ANGPT1: variants seen among roughly 807,000 people sequenced by gnomAD.
ANGPT1 encodes angiopoietin 1, also known as angiopoietin-1.
In ANGPT1, 17 loss-of-function variants were observed where a neutral mutation model predicts 62.2. The observed-to-expected ratio is 0.27, with a 90% CI of 0.19 to 0.41. ANGPT1 has a LOEUF of 0.41. Ranked by LOEUF, ANGPT1 falls within the 10% of genes least tolerant of loss-of-function variation. The pLI, the probability that ANGPT1 is intolerant of heterozygous loss-of-function variation, is 1.00. For synonymous variants in ANGPT1, 199 were observed against 198.9 expected, an observed-to-expected ratio of 1.00 and a Z score of 0.00; for missense variants, 478 against 594.9, an observed-to-expected ratio of 0.80 and a Z score of 2.04.
chr8:107,474,344 C>T (rs200230565), intron 1 of ANGPT1, among the ~76,000 whole-genome samples: 2 of 152,008 alleles, frequency 1.3e-5, no homozygotes, highest in African/African-American at 2.4e-5. Flanking sequence ...CACATGATTA[C>T]CTCAATAGAT....
chr8:107,341,565 A>AT (rs1815696573), intron 2 of ANGPT1, among the ~76,000 whole-genome samples: 1 of 148,484 alleles, frequency 6.7e-6, no homozygotes, highest in African/African-American at 2.4e-5. Flanking sequence ...TTATATAACT[A>AT]TTACATAATA....
intron 8 of ANGPT1, among the ~76,000 whole-genome samples, chr8:107,260,672 C>T (rs1025914297): frequency 1.5e-4 from 23 of 152,154 alleles, no homozygotes; most frequent in African/African-American, 5.6e-4. Context: ...CACATTTTAG[C>T]TTTCCATAAT....
intron 7 of ANGPT1, among the ~76,000 whole-genome samples, chr8:107,272,918 G>A (rs1586176683): frequency 6.8e-6 from 1 of 147,134 alleles, no homozygotes; most frequent in South Asian, 2.1e-4. Flanking sequence ...GTGCCAAAAT[G>A]AATCACGTGA....
chr8:107,339,989 A>G (rs549159636), intron 2 of ANGPT1, among the ~76,000 whole-genome samples: 18 of 152,128 alleles, frequency 1.2e-4, no homozygotes, highest in Non-Finnish European at 2.1e-4. Flanking sequence ...TTCTTTCCCC[A>G]TCACCTTGAC....
intron 1 of ANGPT1, among the ~76,000 whole-genome samples, chr8:107,385,042 A>G (rs1013564197): frequency 5.9e-5 from 9 of 151,996 alleles, no homozygotes; most frequent in African/African-American, 2.2e-4. Context: ...TTTGAAGTCC[A>G]GTAGTGTGAA....
chr8:107,392,798 T>C lies in ANGPT1; in HGVS notation c.298-45701A>G, dbSNP rs558579898. Among the ~76,000 whole-genome samples, 35 of 152,312 alleles carry C rather than the reference T, an allele frequency of 2.3e-4. No homozygotes were observed. The South Asian group carries it at 7.0e-3, about 31-fold the overall frequency. On this transcript the variant is annotated intron_variant, in intron 1 of 8. Transcript: ENST00000517746. Reference sequence around the variant, plus strand: ...CATATGTGGTATAATGTAATTTTATTCATTCCAGAAGAAGAGTTGTTTTTG... The same window carrying C: ...CATATGTGGTATAATGTAATTTTATCCATTCCAGAAGAAGAGTTGTTTTTG...
intron 1 of ANGPT1, among the ~76,000 whole-genome samples, chr8:107,391,840 T>C (rs1165462780): frequency 4.6e-5 from 7 of 152,176 alleles, no homozygotes; most frequent in Admixed American, 3.9e-4. Flanking sequence ...AATTGTAACA[T>C]AGTGGTGTGA....
chr8:107,436,569 C>A (rs947885111), intron 1 of ANGPT1, among the ~76,000 whole-genome samples: 6 of 152,166 alleles, frequency 3.9e-5, no homozygotes, highest in Non-Finnish European at 8.8e-5. Context: ...CAACCTTCTG[C>A]GGATCTATTT....
intron 1 of ANGPT1, among the ~76,000 whole-genome samples, chr8:107,374,317 A>T (rs1816482842): frequency 6.6e-6 from 1 of 152,222 alleles, no homozygotes; most frequent in African/African-American, 2.4e-5. Context: ...TTATTATAAG[A>T]TTAGAAAGTA....
intron 3 of ANGPT1, among the ~76,000 whole-genome samples, chr8:107,334,909 T>C (rs532016023): frequency 1.3e-5 from 2 of 152,316 alleles, no homozygotes; most frequent in Non-Finnish European, 2.9e-5. Flanking sequence ...GCTAACCCCA[T>C]GTCACAGTAC....
At position 107,290,410 on chromosome 8, in the gene ANGPT1, C is replaced by T. The variant is rs929868667; in HGVS notation, c.1038+3526G>A. 5.9e-5 allele frequency among the ~76,000 whole-genome samples: 9 copies of T among 152,172 alleles called. No individual in the cohort carries two copies. The South Asian group carries it at 6.2e-4, about 11-fold the overall frequency. On this transcript the variant is annotated intron_variant, in intron 6 of 8. Coordinates refer to ENST00000517746, the MANE Select transcript of ANGPT1 (RefSeq NM_001146.5). ...GGGGCATGCCAAGTTCTTGTTATCC[C>T]GAAGGATGTACACCCTTAGCTGAAG...
intron 3 of ANGPT1, among the ~76,000 whole-genome samples, chr8:107,332,469 T>C (rs1017096403): frequency 1.3e-5 from 2 of 152,220 alleles, no homozygotes; most frequent in African/African-American, 4.8e-5. Flanking sequence ...ACGTTGCTAA[T>C]CCTGTTTCTG....
chr8:107,386,295 C>T (rs1816730410), intron 1 of ANGPT1, among the ~76,000 whole-genome samples: 1 of 152,032 alleles, frequency 6.6e-6, no homozygotes, highest in Admixed American at 6.6e-5. Context: ...AGGTATTATG[C>T]TAGTTAGCTG....
intron 1 of ANGPT1, among the ~76,000 whole-genome samples, chr8:107,355,759 T>C (rs1816031504): frequency 6.6e-6 from 1 of 152,172 alleles, no homozygotes; most frequent in African/African-American, 2.4e-5. Flanking sequence ...CTTCTCTCTG[T>C]AATACCCTTC....
chr8:107,299,384 A>C (rs1385119722), intron 5 of ANGPT1, among the ~76,000 whole-genome samples: 3 of 79,412 alleles, frequency 3.8e-5, no homozygotes, highest in Non-Finnish European at 7.4e-5. Flanking sequence ...AGAGTAAATG[A>C]AGGAGTGTAT....
At position 107,426,624 on chromosome 8, in the gene ANGPT1, C is replaced by T. The variant is rs187035950; in HGVS notation, c.297+70638G>A. ...ATTCACTTTCCTGGACTTTGATCTT[C>T]TAGGAGGGAGGATACTTCAAAGCCC... On this transcript the variant is annotated intron_variant, in intron 1 of 8. Coordinates refer to ENST00000517746, the MANE Select transcript of ANGPT1 (RefSeq NM_001146.5). Among the ~76,000 whole-genome samples, 224 of 152,224 alleles carry T rather than the reference C, an allele frequency of 1.5e-3. 1 individual carries two copies. The highest frequency in any genetic ancestry group is 5.0e-3 in the African/African-American group (208 of 41,564).
chr8:107,329,288 A>AG (rs756522038), intron 3 of ANGPT1, among the ~76,000 whole-genome samples: 1 of 152,080 alleles, frequency 6.6e-6, no homozygotes, highest in African/African-American at 2.4e-5. Context: ...GGTATGGTGT[A>AG]GGGGTGTGGA....
At position 107,490,302 on chromosome 8, in the gene ANGPT1, A is replaced by T. The variant is rs140388968; in HGVS notation, c.297+6960T>A. Among the ~76,000 whole-genome samples, 20 of 152,378 alleles carry T rather than the reference A, an allele frequency of 1.3e-4. No individual in the cohort carries two copies. In the East Asian group the frequency reaches 3.9e-3, roughly 29 times the overall value. On this transcript the variant is annotated intron_variant, in intron 1 of 8. Transcript: ENST00000517746. ...ACAGGATGAAACAGGCACATAGCAC[A>T]GAAGATCCTGTAGCCCAGACTTGTT...
chr8:107,433,420 G>T (rs1283263926), intron 1 of ANGPT1, among the ~76,000 whole-genome samples: 1 of 152,164 alleles, frequency 6.6e-6, no homozygotes, highest in Admixed American at 6.5e-5. Context: ...CCTGTGCAGA[G>T]AAAGGACATG....
Sources: allele counts gnomAD v4.1 joint callset (sites outside exome capture counted in the v4.1 genomes callset), GRCh38; gene constraint gnomAD v4.1.1; transcripts MANE v1.5; gene names NCBI Gene and HGNC (gene_info 2026-07-23, HGNC 2026-07-21).